Variants in ELF2 observed in about 807,000 individuals in gnomAD.
ELF2 encodes E74 like ETS transcription factor 2, also known as ETS-related transcription factor Elf-2.
Under a neutral mutation model 54.8 loss-of-function variants are expected in ELF2, and 11 were observed. The observed-to-expected ratio is 0.20, with a 90% confidence interval of 0.13 to 0.33. ELF2 has a LOEUF of 0.33. ELF2 is among the 10% of genes least tolerant of loss of function. The probability of loss-of-function intolerance (pLI) is 1.00; values close to 1 mark genes in which losing one functional copy is unlikely to be tolerated. For synonymous variants in ELF2, 203 were observed against 245.1 expected (o/e 0.83, Z 1.61); for missense variants, 513 against 703.0 (o/e 0.73, Z 3.06).
chr4:139,133,685 A>AC (rs1263877257), intron 3 of ELF2, among the ~76,000 whole-genome samples: 1 of 148,252 alleles, frequency 6.7e-6, no homozygotes, highest in Non-Finnish European at 1.5e-5. Flanking sequence ...CCTGAGCTGC[A>AC]CCTGAACTCC....
chr4:139,136,016 C>T (rs1390568023), intron 3 of ELF2, among the ~76,000 whole-genome samples: 2 of 152,144 alleles, frequency 1.3e-5, no homozygotes, highest in African/African-American at 2.4e-5. Flanking sequence ...AGATATTCTG[C>T]CTATTGTTTT....
chr4:139,061,746 C>A, intron 8 of ELF2, 119 bp downstream of exon 8: 1 of 1,190,434 alleles, frequency 8.4e-7, no homozygotes, highest in East Asian at 2.6e-5. Context: ...AGAAGCTCCT[C>A]TAGAATATCC....
At chr4:139,138,032 A>G (rs1738349490) in intron 2 of ELF2, among the ~76,000 whole-genome samples, 165 bp from the exon 3 acceptor site, 1 of 152,226 alleles carries the variant, frequency 6.6e-6, no homozygotes, top group South Asian at 2.1e-4. Context: ...CTGCTTCTTA[A>G]GAGTTAGTAA....
intron 7 of ELF2, chr4:139,066,704 A>T (rs2148677267): frequency 6.6e-6 from 1 of 151,376 alleles, no homozygotes; most frequent in Non-Finnish European, 1.5e-5. Context: ...CTGGGCAACA[A>T]AGCACAAGAC....
At chr4:139,060,769 G>A in intron 8 of ELF2, 95 bp from the exon 9 acceptor site, 1 of 973,638 alleles carries the variant, frequency 1.0e-6, no homozygotes. Flanking sequence ...GATACTAACA[G>A]AAACATTCCC....
At chr4:139,131,514 CTTTAGGAATATATAGAAAGATAATA>C (rs1030054632) in intron 3 of ELF2, among the ~76,000 whole-genome samples, 3 of 152,130 alleles carry the variant, frequency 2.0e-5, no homozygotes, top group African/African-American at 7.2e-5. Flanking sequence ...TCTCAATGTA[CTTTAGGAATATATAGAAAGATAATA>C]AAATTCAGGA....
chr4:139,067,870 T>C (rs1432197693), intron 6 of ELF2, 100 bp from the exon 7 acceptor site: 1 of 1,123,338 alleles, frequency 8.9e-7, no homozygotes, highest in Non-Finnish European at 1.3e-6. Context: ...TTTAAATGGA[T>C]ACTAATTTGT....
In ELF2 at chr4:139,170,311, C is replaced by CTGGAG. The variant is rs1477662500; in HGVS notation, c.-252+6651_-252+6655dup. On this transcript the variant is annotated intron_variant, in intron 1 of 9. Transcript: ENST00000686138. Reference sequence around the variant, plus strand: ...ACAGAGTCTCGCTCTGTTGCCCAGGCTGGAGTGCAGTGGTGCGATCTCGGC... The same window carrying CTGGAG: ...ACAGAGTCTCGCTCTGTTGCCCAGGCTGGAGTGGAGTGCAGTGGTGCGATCTCGGC... Among the ~76,000 whole-genome samples, 37 of 124,376 alleles carry CTGGAG rather than the reference C, an allele frequency of 3.0e-4. 1 individual carries two copies. The highest frequency in any genetic ancestry group is 9.2e-4 in the African/African-American group (29 of 31,356). 81.6% of individuals were successfully genotyped at this position (124,376 alleles called of 152,430 possible). A position where few individuals can be genotyped will look rare whatever the true frequency, so the allele number is the denominator to read the frequency against.
chr4:139,140,111 T>G (rs1738561506), intron 1 of ELF2, among the ~76,000 whole-genome samples: 1 of 152,144 alleles, frequency 6.6e-6, no homozygotes, highest in South Asian at 2.1e-4. Context: ...TTCTTACTTT[T>G]TACTTTTATT....
At chr4:139,059,651 C>T (rs2148657686) in intron 9 of ELF2, 44 bp from the exon 10 acceptor site, 2 of 1,566,422 alleles carry the variant, frequency 1.3e-6, no homozygotes, top group Non-Finnish European at 8.6e-7. Flanking sequence ...TTAATGCCAA[C>T]TGAGAAAATA....
chr4:139,064,509 T>C (rs1335119211), intron 7 of ELF2, among the ~76,000 whole-genome samples: 1 of 152,208 alleles, frequency 6.6e-6, no homozygotes, highest in Non-Finnish European at 1.5e-5. Context: ...TTCACTTTCA[T>C]TGTGGCTTTC....
At chr4:139,099,518 C>T (rs1464586519) in intron 4 of ELF2, among the ~76,000 whole-genome samples, 2 of 152,152 alleles carry the variant, frequency 1.3e-5, no homozygotes, top group Non-Finnish European at 2.9e-5. Context: ...ATAATTGGCT[C>T]CCGTCTTCCA....
intron 6 of ELF2, among the ~76,000 whole-genome samples, chr4:139,069,633 C>A (rs550664500): frequency 5.9e-5 from 9 of 152,232 alleles, no homozygotes; most frequent in Non-Finnish European, 1.3e-4. Flanking sequence ...ACTTTTAGAA[C>A]ACCATATGCT....
chr4:139,150,518 C>CAAAAA (rs34465260), intron 1 of ELF2, among the ~76,000 whole-genome samples: 2 of 76,912 alleles, frequency 2.6e-5, no homozygotes, highest in Non-Finnish European at 2.6e-5. Flanking sequence ...GACCCTGTCT[C>CAAAAA]AAAAAAAAAA....
chr4:139,101,276 C>A (rs1374787710), intron 4 of ELF2, among the ~76,000 whole-genome samples: 1 of 152,120 alleles, frequency 6.6e-6, no homozygotes, highest in African/African-American at 2.4e-5. Flanking sequence ...TATCTAATTT[C>A]TTGCTCTAGT....
intron 7 of ELF2, among the ~76,000 whole-genome samples, chr4:139,064,749 A>T (rs1728427163): frequency 1.3e-5 from 2 of 152,082 alleles, no homozygotes; most frequent in South Asian, 4.1e-4. Flanking sequence ...GCGTGGTGCC[A>T]CATGTCTGTA....
intron 4 of ELF2, among the ~76,000 whole-genome samples, chr4:139,109,837 G>T (rs549525645): frequency 5.9e-4 from 90 of 152,238 alleles, no homozygotes; most frequent in Non-Finnish European, 1.0e-3. Context: ...GAGGAACAGA[G>T]GGAGGGAGAA....
In ELF2 at chr4:139,118,331, T is replaced by C. The variant is rs538089760; in HGVS notation, c.238+6833A>G. On this transcript the variant is annotated intron_variant, in intron 4 of 9. Transcript: ENST00000686138. Reference sequence around the variant, plus strand: ...AGGGGATGTTTATTGTAGACCACAATCATTGTGGAAATCTTCATGTAGTTG... The same window carrying C: ...AGGGGATGTTTATTGTAGACCACAACCATTGTGGAAATCTTCATGTAGTTG... Among the ~76,000 whole-genome samples the C allele has an allele frequency of 1.1e-4, 17 of 152,294 alleles. No homozygotes were observed. The South Asian group carries it at 3.5e-3, about 32-fold the overall frequency.
intron 3 of ELF2, among the ~76,000 whole-genome samples, chr4:139,136,344 T>C (rs1738149250): frequency 6.6e-6 from 1 of 152,072 alleles, no homozygotes; most frequent in Non-Finnish European, 1.5e-5. Flanking sequence ...AAAGAAGACC[T>C]TCACTTTATC....
Sources: gnomAD v4.1 joint callset for allele counts (sites outside exome capture counted in the v4.1 genomes callset) on GRCh38, gnomAD v4.1.1 for gene constraint, MANE v1.5 for transcripts, NCBI Gene and HGNC (gene_info 2026-07-23, HGNC 2026-07-21) for gene names.